The following LRRC4C variants were observed in gnomAD, a reference collection of about 807,000 sequenced individuals.
LRRC4C encodes the protein leucine rich repeat containing 4C.
A neutral mutation model predicts 33.6 loss-of-function variants in LRRC4C; 5 were observed. That is an observed-to-expected ratio of 0.15 (90% CI 0.08 to 0.31). The LOEUF is 0.31. LRRC4C is among the 10% of genes least tolerant of loss of function. The pLI is 1.00. For missense variants in LRRC4C, 560 were observed against 796.7 expected, an observed-to-expected ratio of 0.70 and a Z score of 3.58; for synonymous variants, 329 against 302.0, an observed-to-expected ratio of 1.09 and a Z score of -0.93.
chr11:40,616,667 A>G (rs1294733551), intron 3 of LRRC4C, among the ~76,000 whole-genome samples: 1 of 151,856 alleles, frequency 6.6e-6, no homozygotes, highest in Non-Finnish European at 1.5e-5. Context: ...AGGACAAAAA[A>G]CCAAACACTG....
intron 3 of LRRC4C, among the ~76,000 whole-genome samples, chr11:40,387,862 C>T (rs1949172595): frequency 6.6e-6 from 1 of 152,142 alleles, no homozygotes; most frequent in Non-Finnish European, 1.5e-5. Flanking sequence ...TTGCTGTTGG[C>T]AGCATTTTGT....
At chr11:40,476,175 G>C (rs1565427062) in intron 3 of LRRC4C, among the ~76,000 whole-genome samples, 1 of 151,958 alleles carries the variant, frequency 6.6e-6, no homozygotes. Flanking sequence ...CCAACTAGAA[G>C]TGTGTGTGTG....
At chr11:40,627,834 C>T (rs1333583988) in intron 3 of LRRC4C, among the ~76,000 whole-genome samples, 1 of 152,144 alleles carries the variant, frequency 6.6e-6, no homozygotes, top group African/African-American at 2.4e-5. Flanking sequence ...AAGAATTACT[C>T]CCTCTATAGA....
chr11:41,453,205 G>A (rs558167621), intron 1 of LRRC4C, among the ~76,000 whole-genome samples: 2 of 152,162 alleles, frequency 1.3e-5, no homozygotes, highest in South Asian at 4.1e-4. Context: ...TTTCCTCTGT[G>A]TCCTGTAACT....
intron 2 of LRRC4C, among the ~76,000 whole-genome samples, chr11:40,686,263 T>G (rs1360442895): frequency 6.6e-6 from 1 of 152,196 alleles, no homozygotes; most frequent in East Asian, 1.9e-4. Context: ...TCTTGATACA[T>G]GTTTGCTATT....
At chr11:40,185,765 T>G (rs1413084523) in intron 5 of LRRC4C, among the ~76,000 whole-genome samples, 1 of 152,144 alleles carries the variant, frequency 6.6e-6, no homozygotes, top group Non-Finnish European at 1.5e-5. Context: ...GGAGATTAAG[T>G]TGGATACCTG....
intron 1 of LRRC4C, among the ~76,000 whole-genome samples, chr11:41,000,030 G>C (rs1854263717): frequency 6.6e-6 from 1 of 151,942 alleles, no homozygotes; most frequent in Admixed American, 6.6e-5. Flanking sequence ...TTAAGCTATG[G>C]AACAGAAAAG....
chr11:40,504,018 C>T (rs933275747), intron 3 of LRRC4C, among the ~76,000 whole-genome samples: 1 of 152,062 alleles, frequency 6.6e-6, no homozygotes, highest in Non-Finnish European at 1.5e-5. Context: ...TAACCCTCTC[C>T]AAAGAAATTG....
At chr11:40,958,370 G>A (rs576516006) in intron 1 of LRRC4C, among the ~76,000 whole-genome samples, 4 of 151,842 alleles carry the variant, frequency 2.6e-5, no homozygotes, top group African/African-American at 9.6e-5. Flanking sequence ...TAAATTATAT[G>A]TGTTTAGAAG....
intron 1 of LRRC4C, among the ~76,000 whole-genome samples, chr11:41,124,001 T>C (rs1942610651): frequency 6.6e-6 from 1 of 152,224 alleles, no homozygotes; most frequent in South Asian, 2.1e-4. Context: ...CAATTGATTT[T>C]TGAAGCCTAA....
intron 1 of LRRC4C, among the ~76,000 whole-genome samples, chr11:41,240,820 C>A (rs768641815): frequency 6.6e-6 from 1 of 152,004 alleles, no homozygotes; most frequent in Admixed American, 6.6e-5. Flanking sequence ...GTAACACACA[C>A]GCACACACAC....
At chr11:40,733,221 G>A (rs570169521) in intron 2 of LRRC4C, among the ~76,000 whole-genome samples, 6 of 151,388 alleles carry the variant, frequency 4.0e-5, no homozygotes, top group African/African-American at 1.5e-4. Context: ...GACAACAGGC[G>A]CCTGCCACCA....
intron 2 of LRRC4C, among the ~76,000 whole-genome samples, chr11:40,920,636 G>A (rs1957133681): frequency 6.6e-6 from 1 of 152,070 alleles, no homozygotes; most frequent in Non-Finnish European, 1.5e-5. Flanking sequence ...CCAGTCTCAT[G>A]TTTACTTCTA....
intron 3 of LRRC4C, among the ~76,000 whole-genome samples, chr11:40,334,612 T>C (rs542259259): frequency 1.3e-5 from 2 of 152,278 alleles, no homozygotes; most frequent in East Asian, 3.9e-4. Flanking sequence ...CAAAGAATAC[T>C]TCTGTAGAGT....
chr11:40,577,820 G>GT (rs1347955464), intron 3 of LRRC4C, among the ~76,000 whole-genome samples: 1 of 142,556 alleles, frequency 7.0e-6, no homozygotes, highest in Non-Finnish European at 1.5e-5. Context: ...TTGTTTGTTT[G>GT]TTTTCTTTTT....
At chr11:40,633,327 T>TTC (rs1377039017) in intron 3 of LRRC4C, among the ~76,000 whole-genome samples, 2 of 15,016 alleles carry the variant, frequency 1.3e-4, no homozygotes, top group Admixed American at 1.7e-3. Flanking sequence ...AGTTTTCTTT[T>TTC]TCTTTCTTTC....
chr11:40,901,674 T>C (rs1175309146), intron 2 of LRRC4C, among the ~76,000 whole-genome samples: 1 of 152,000 alleles, frequency 6.6e-6, no homozygotes, highest in East Asian at 1.9e-4. Context: ...GGATAAAATG[T>C]GAAGAGAAAA....
intron 3 of LRRC4C, among the ~76,000 whole-genome samples, chr11:40,425,197 C>T (rs1950667116): frequency 6.6e-6 from 1 of 151,910 alleles, no homozygotes; most frequent in South Asian, 2.1e-4. Flanking sequence ...ATTTAAGACC[C>T]CAAGAGATCT....
intron 2 of LRRC4C, among the ~76,000 whole-genome samples, chr11:40,886,879 A>T (rs1164472023): frequency 1.3e-5 from 2 of 149,056 alleles, no homozygotes; most frequent in Non-Finnish European, 3.0e-5. Flanking sequence ...AAATATGTTT[A>T]TATATGTGTG....
Sources: gnomAD v4.1 joint callset for allele counts (sites outside exome capture counted in the v4.1 genomes callset) on GRCh38, gnomAD v4.1.1 for gene constraint, MANE v1.5 for transcripts, NCBI Gene and HGNC (gene_info 2026-07-23, HGNC 2026-07-21) for gene names.